Variants in SLC35F4 observed in about 807,000 individuals in gnomAD.
SLC35F4 encodes the protein solute carrier family 35 member F4.
Under a neutral mutation model 44.2 loss-of-function variants are expected in SLC35F4, and 24 were observed. The ratio of observed to expected loss-of-function variants is 0.54; its 90% CI spans 0.39 to 0.76. The LOEUF is 0.76. Among genes scored for constraint, SLC35F4 ranks in the 30% least tolerant of loss-of-function variants. The probability of loss-of-function intolerance (pLI) is 0.00; values close to 1 mark genes in which losing one functional copy is unlikely to be tolerated. For missense variants in SLC35F4, 562 were observed against 586.1 expected (o/e 0.96, Z 0.42); for synonymous variants, 238 against 223.6 (o/e 1.06, Z -0.57).
At chr14:57,966,696 T>C (rs1336784033) in intron 1 of SLC35F4, among the ~76,000 whole-genome samples, 1 of 152,096 alleles carries the variant, frequency 6.6e-6, no homozygotes, top group Non-Finnish European at 1.5e-5. Flanking sequence ...TAAGATCAGA[T>C]TGGTGTTTTT....
chr14:57,939,977 T>A (rs1400762130), intron 1 of SLC35F4, among the ~76,000 whole-genome samples: 2 of 152,168 alleles, frequency 1.3e-5, no homozygotes, highest in Non-Finnish European at 2.9e-5. Context: ...GATTCTGCAG[T>A]TAGGAAGATA....
intron 1 of SLC35F4, among the ~76,000 whole-genome samples, chr14:57,704,546 T>C (rs575001876): frequency 1.3e-5 from 2 of 152,144 alleles, no homozygotes; most frequent in Admixed American, 6.5e-5. Context: ...TCTGACAAGA[T>C]ATGACATGAT....
At chr14:57,790,710 C>T (rs1396607739) in intron 1 of SLC35F4, among the ~76,000 whole-genome samples, 1 of 152,132 alleles carries the variant, frequency 6.6e-6, no homozygotes, top group Non-Finnish European at 1.5e-5. Context: ...AAGCTGGAGG[C>T]ATCACACTAC....
At chr14:57,749,199 G>A (rs996720218) in intron 1 of SLC35F4, among the ~76,000 whole-genome samples, 3 of 151,908 alleles carry the variant, frequency 2.0e-5, no homozygotes, top group Non-Finnish European at 2.9e-5. Flanking sequence ...TTTTTTTTGT[G>A]ATTGAAATTT....
intron 1 of SLC35F4, among the ~76,000 whole-genome samples, chr14:57,705,313 AT>A (rs1484264184): frequency 6.6e-6 from 1 of 152,194 alleles, no homozygotes; most frequent in African/African-American, 2.4e-5. Flanking sequence ...TCCTTAATTC[AT>A]TTATTTAGAA....
chr14:57,671,330 A>C (rs1465116246), intron 1 of SLC35F4, among the ~76,000 whole-genome samples: 2 of 151,888 alleles, frequency 1.3e-5, no homozygotes, highest in Non-Finnish European at 2.9e-5. Context: ...GGTCCAAAAG[A>C]GACCTCTTCC....
chr14:57,951,930 C>T (rs896645715), intron 1 of SLC35F4, among the ~76,000 whole-genome samples: 2 of 152,208 alleles, frequency 1.3e-5, no homozygotes, highest in African/African-American at 4.8e-5. Context: ...AGCACTCATG[C>T]TCTGCTAAGG....
At chr14:57,903,191 A>C (rs1889042028) in intron 1 of SLC35F4, among the ~76,000 whole-genome samples, 1 of 152,160 alleles carries the variant, frequency 6.6e-6, no homozygotes, top group African/African-American at 2.4e-5. Context: ...TAGGGAAGAG[A>C]GATCAGGTTC....
chr14:57,852,434 A>G (rs183751162), intron 1 of SLC35F4, among the ~76,000 whole-genome samples: 24 of 152,330 alleles, frequency 1.6e-4, no homozygotes, highest in Non-Finnish European at 2.9e-4. Flanking sequence ...AGAGTTTTAT[A>G]GTTTTCCAAA....
chr14:57,750,835 T>C (rs1237870897), intron 1 of SLC35F4, among the ~76,000 whole-genome samples: 3 of 152,334 alleles, frequency 2.0e-5, no homozygotes, highest in African/African-American at 7.2e-5. Flanking sequence ...TCCCATTCTG[T>C]GGTTAATTTG....
At chr14:57,788,472 A>G (rs1049937790) in intron 1 of SLC35F4, among the ~76,000 whole-genome samples, 5 of 152,272 alleles carry the variant, frequency 3.3e-5, no homozygotes, top group African/African-American at 1.2e-4. Flanking sequence ...ACATTCTATT[A>G]AACAGTGCAT....
chr14:57,969,185 A>G (rs1880978053), intron 1 of SLC35F4, among the ~76,000 whole-genome samples: 1 of 152,210 alleles, frequency 6.6e-6, no homozygotes, highest in Non-Finnish European at 1.5e-5. Context: ...CCAGTCCATC[A>G]AACATATCAT....
intron 1 of SLC35F4, among the ~76,000 whole-genome samples, chr14:57,814,558 C>T (rs929577460): frequency 6.6e-6 from 1 of 152,190 alleles, no homozygotes; most frequent in African/African-American, 2.4e-5. Context: ...CAGTAGTTTT[C>T]ATTAATTATT....
chr14:57,942,681 C>T (rs1889936114), intron 1 of SLC35F4, among the ~76,000 whole-genome samples: 3 of 152,136 alleles, frequency 2.0e-5, no homozygotes, highest in African/African-American at 7.2e-5. Context: ...AGGAAATATA[C>T]TTAAAACTTA....
intron 1 of SLC35F4, among the ~76,000 whole-genome samples, chr14:57,768,757 T>G (rs2077291542): frequency 6.6e-6 from 1 of 152,138 alleles, no homozygotes; most frequent in Non-Finnish European, 1.5e-5. Context: ...TGGTTTTTTT[T>G]TTTTCTTCTT....
At chr14:57,895,450 G>A (rs547500993) in intron 1 of SLC35F4, among the ~76,000 whole-genome samples, 65 of 152,174 alleles carry the variant, frequency 4.3e-4, no homozygotes, top group African/African-American at 1.5e-3. Flanking sequence ...ATTGAAGGAG[G>A]GGCCTGGTCG....
intron 1 of SLC35F4, among the ~76,000 whole-genome samples, chr14:57,813,435 C>T (rs1882198627): frequency 6.6e-6 from 1 of 152,012 alleles, no homozygotes; most frequent in South Asian, 2.1e-4. Context: ...ACTAAAAATA[C>T]AAAAATAAGC....
At chr14:57,756,482 T>C (rs1019035178) in intron 1 of SLC35F4, among the ~76,000 whole-genome samples, 5 of 152,096 alleles carry the variant, frequency 3.3e-5, no homozygotes, top group African/African-American at 1.2e-4. Flanking sequence ...TTCAGACTTA[T>C]TTTTATTGCT....
chr14:57,662,239 A>T (rs1241017804), intron 1 of SLC35F4, among the ~76,000 whole-genome samples: 1 of 152,176 alleles, frequency 6.6e-6, no homozygotes, highest in Non-Finnish European at 1.5e-5. Flanking sequence ...TTATTATGGA[A>T]TGTATTTCCT....
Sources: allele counts gnomAD v4.1 joint callset (sites outside exome capture counted in the v4.1 genomes callset), GRCh38; gene constraint gnomAD v4.1.1; transcripts MANE v1.5; gene names NCBI Gene and HGNC (gene_info 2026-07-23, HGNC 2026-07-21).